Variants in ZNRF3 observed in about 807,000 individuals in gnomAD.
ZNRF3 encodes E3 ubiquitin-protein ligase ZNRF3.
A neutral mutation model predicts 72.5 loss-of-function variants in ZNRF3; 23 were observed. The ratio of observed to expected loss-of-function variants is 0.32; its 90% CI spans 0.23 to 0.45. The LOEUF (loss-of-function observed/expected upper bound fraction) is 0.45. Ranked by LOEUF, ZNRF3 falls within the 20% of genes least tolerant of loss-of-function variation. ZNRF3 has a pLI of 1.00. For synonymous variants in ZNRF3, 610 were observed against 545.3 expected, an observed-to-expected ratio of 1.12 and a Z score of -1.65; for missense variants, 1,169 against 1,272.1, an observed-to-expected ratio of 0.92 and a Z score of 1.23.
At chr22:28,957,842 T>C (rs2035287509) in intron 1 of ZNRF3, among the ~76,000 whole-genome samples, 1 of 152,134 alleles carries the variant, frequency 6.6e-6, no homozygotes, top group Non-Finnish European at 1.5e-5. Context: ...TGTGCAGTTT[T>C]GGATCTGGAG....
intron 1 of ZNRF3, among the ~76,000 whole-genome samples, chr22:28,972,595 A>G (rs1050905521): frequency 2.0e-5 from 3 of 152,084 alleles, no homozygotes; most frequent in Admixed American, 1.3e-4. Context: ...TTTCTGGGCC[A>G]TGTTTTCTTT....
intron 2 of ZNRF3, among the ~76,000 whole-genome samples, chr22:29,024,752 C>T (rs1442223005): frequency 6.6e-6 from 1 of 152,004 alleles, no homozygotes; most frequent in Non-Finnish European, 1.5e-5. Flanking sequence ...AGGACTGGGC[C>T]TTGGTGTAGG....
intron 2 of ZNRF3, among the ~76,000 whole-genome samples, chr22:29,011,119 A>G (rs766296041): frequency 6.6e-6 from 1 of 152,194 alleles, no homozygotes; most frequent in Non-Finnish European, 1.5e-5. Flanking sequence ...TTACACAAAC[A>G]TATCTTCCTA....
intron 1 of ZNRF3, among the ~76,000 whole-genome samples, chr22:28,886,309 C>T (rs188436828): frequency 2.6e-5 from 4 of 152,214 alleles, no homozygotes; most frequent in South Asian, 2.1e-4. Context: ...GTTTTAGGGC[C>T]GCTGAGAGGG....
chr22:28,981,932 G>A (rs569926250), intron 1 of ZNRF3, among the ~76,000 whole-genome samples: 63 of 152,264 alleles, frequency 4.1e-4, no homozygotes, highest in African/African-American at 1.4e-3. Context: ...GGGAAGCAGA[G>A]GTTGCAGTGA....
chr22:28,915,531 A>G (rs1299495062), intron 1 of ZNRF3, among the ~76,000 whole-genome samples: 1 of 152,000 alleles, frequency 6.6e-6, no homozygotes, highest in Non-Finnish European at 1.5e-5. Flanking sequence ...TCTGAAGGTG[A>G]TTTTCTTGTC....
intron 1 of ZNRF3, among the ~76,000 whole-genome samples, chr22:28,918,253 A>G (rs572327795): frequency 6.6e-6 from 1 of 152,078 alleles, no homozygotes; most frequent in South Asian, 2.1e-4. Context: ...GCCAGTTTAC[A>G]CTCCTCCCTG....
At chr22:28,934,930 A>G (rs191273266) in intron 1 of ZNRF3, among the ~76,000 whole-genome samples, 1 of 149,442 alleles carries the variant, frequency 6.7e-6, no homozygotes, top group Admixed American at 6.7e-5. Flanking sequence ...TTTTCTGTGC[A>G]TTTCTCTATA....
intron 1 of ZNRF3, among the ~76,000 whole-genome samples, chr22:28,935,055 A>T (rs2034795610): frequency 6.6e-6 from 1 of 152,186 alleles, no homozygotes; most frequent in Admixed American, 6.5e-5. Context: ...CAGCCCCATC[A>T]TGGCTTGTAA....
At position 29,049,486 on chromosome 22, in the gene ZNRF3, G is replaced by T; in HGVS notation, c.1305G>T (p.Leu435=). ...DHSLAAHRCG[L]EHRAYSPAHP... The stretch of plus-strand genomic sequence containing the variant: ...GCCTGGCCGCTCACCGCTGCGGCCT[G>T]GAGCACCGGGCCTACTCCCCAGCCC... The change falls in exon 8 of 9, where the codon CTG becomes CTT. Residue 435 remains leucine, a synonymous_variant. Transcript: ENST00000544604. This position sits in a 1 kb window ranked among gnomAD's most constrained non-coding sequence, Gnocchi z 5.2. 1 of 1,604,806 alleles carries T rather than the reference G, an allele frequency of 6.2e-7. No homozygotes were observed.
At chr22:28,926,189 A>C (rs1032976122) in intron 1 of ZNRF3, among the ~76,000 whole-genome samples, 1 of 152,302 alleles carries the variant, frequency 6.6e-6, no homozygotes, top group South Asian at 2.1e-4. Flanking sequence ...TTGTGGCTAC[A>C]GTGAGCATGT....
chr22:28,986,656 ATGT>A (rs938518624), intron 1 of ZNRF3: 34 of 985,272 alleles, frequency 3.5e-5, no homozygotes, highest in Non-Finnish European at 3.7e-5. Flanking sequence ...TGAAGTAGAC[ATGT>A]TGTTGAAGTC....
chr22:29,009,550 A>G (rs1376594114), intron 2 of ZNRF3, among the ~76,000 whole-genome samples: 1 of 152,232 alleles, frequency 6.6e-6, no homozygotes, highest in Non-Finnish European at 1.5e-5. Flanking sequence ...CATTTCCATG[A>G]TATTGCTGTG....
At chr22:28,886,500 A>G (rs1461458184) in intron 1 of ZNRF3, among the ~76,000 whole-genome samples, 1 of 152,216 alleles carries the variant, frequency 6.6e-6, no homozygotes. Context: ...TTTAGAGATG[A>G]TGCTATGCTG....
chr22:28,957,851 A>T (rs1323229482), intron 1 of ZNRF3, among the ~76,000 whole-genome samples: 2 of 152,104 alleles, frequency 1.3e-5, no homozygotes, highest in East Asian at 3.9e-4. Context: ...TTGGATCTGG[A>T]GAACTTTGTG....
At chr22:29,037,422 C>T (rs958368240) in intron 2 of ZNRF3, among the ~76,000 whole-genome samples, 60 of 152,212 alleles carry the variant, frequency 3.9e-4, no homozygotes, top group Admixed American at 3.7e-3. Flanking sequence ...AGTAAAAGCA[C>T]TTCCTTATGA....
chr22:29,023,325 A>C (rs1164802209), intron 2 of ZNRF3, among the ~76,000 whole-genome samples: 1 of 152,124 alleles, frequency 6.6e-6, no homozygotes, highest in East Asian at 1.9e-4. Context: ...CTGCCAGCAC[A>C]CTCTGACCTC....
At chr22:28,975,061 CT>C (rs1021229246) in intron 1 of ZNRF3, among the ~76,000 whole-genome samples, 14 of 151,770 alleles carry the variant, frequency 9.2e-5, no homozygotes, top group Admixed American at 1.3e-4. Flanking sequence ...TTTGGGGGAA[CT>C]TTTTTTTTCT....
rs541836806 is a variant in ZNRF3, at chr22:28,995,544, A to G, written c.426+8343A>G. On this transcript the variant is annotated intron_variant, in intron 2 of 8. Coordinates refer to ENST00000544604, the MANE Select transcript of ZNRF3 (RefSeq NM_001206998.2). Reference sequence around the variant, plus strand: ...GTACTTAAAGGAAAAAGAACTCAGGAAGAATCCAGGAAGGGGGCAGTCACC... The same window carrying G: ...GTACTTAAAGGAAAAAGAACTCAGGGAGAATCCAGGAAGGGGGCAGTCACC... Among the ~76,000 whole-genome samples, 122 of 152,330 alleles carry G rather than the reference A, an allele frequency of 8.0e-4. 2 individuals carry two copies. The South Asian group carries it at 0.021, about 27-fold the overall frequency.
Sources: gnomAD v4.1 joint callset for allele counts (sites outside exome capture counted in the v4.1 genomes callset) on GRCh38, gnomAD v4.1.1 for gene constraint, Gnocchi (gnomAD v3.1) non-coding constraint, MANE v1.5 for transcripts, NCBI Gene and HGNC (gene_info 2026-07-23, HGNC 2026-07-21) for gene names.